BABAM2: variants seen among roughly 807,000 people sequenced by gnomAD.
BABAM2 encodes BRISC and BRCA1-A complex member 2.
Under a neutral mutation model 54.7 loss-of-function variants are expected in BABAM2, and 31 were observed. That is an observed-to-expected ratio of 0.57 (90% CI 0.43 to 0.77). The LOEUF (loss-of-function observed/expected upper bound fraction) is 0.77, where lower values mean the gene tolerates loss of function less well. BABAM2 is among the 30% of genes least tolerant of loss of function. The pLI is 0.00. For synonymous variants in BABAM2, 167 were observed against 162.9 expected (o/e 1.03, Z -0.19); for missense variants, 364 against 455.8 (o/e 0.80, Z 1.83).
At chr2:27,951,720 C>A (rs1006298756) in intron 3 of BABAM2, among the ~76,000 whole-genome samples, 1 of 151,418 alleles carries the variant, frequency 6.6e-6, no homozygotes, top group Non-Finnish European at 1.5e-5. Flanking sequence ...TTTATTTTTC[C>A]GTAGGTTATT....
intron 6 of BABAM2, among the ~76,000 whole-genome samples, chr2:28,070,847 C>A (rs1664072107): frequency 6.6e-6 from 1 of 152,012 alleles, no homozygotes; most frequent in South Asian, 2.1e-4. Flanking sequence ...AGTAAAGTTA[C>A]ACTCAAGATT....
chr2:27,911,217 G>A (rs1049643024), intron 2 of BABAM2, among the ~76,000 whole-genome samples: 3 of 152,178 alleles, frequency 2.0e-5, no homozygotes, highest in African/African-American at 7.2e-5. Flanking sequence ...TGTGGGAACA[G>A]ACTAATACAC....
chr2:28,175,506 G>A (rs778502168), intron 7 of BABAM2, among the ~76,000 whole-genome samples: 11 of 152,202 alleles, frequency 7.2e-5, no homozygotes, highest in Non-Finnish European at 1.5e-4. Flanking sequence ...ACTCCTGCCA[G>A]GGACCTGAAG....
At chr2:28,337,221 C>T (rs373306175) in intron 11 of BABAM2, among the ~76,000 whole-genome samples, 1 of 152,120 alleles carries the variant, frequency 6.6e-6, no homozygotes, top group South Asian at 2.1e-4. Context: ...GTGCCCACCT[C>T]CTTCCTCTGC....
chr2:28,225,665 G>A (rs190969455), intron 7 of BABAM2, among the ~76,000 whole-genome samples: 2 of 151,820 alleles, frequency 1.3e-5, no homozygotes, highest in African/African-American at 2.4e-5. Context: ...ACCAGAATAT[G>A]CCTCAAGCTT....
In BABAM2 at chr2:28,329,191, C is replaced by T. The variant is rs575079009; in HGVS notation, c.1089-9259C>T. Among the ~76,000 whole-genome samples the T allele has an allele frequency of 6.6e-6, 1 of 152,340 alleles. No individual in the cohort carries two copies. The highest frequency in any genetic ancestry group is 2.1e-4 in the South Asian group (1 of 4,828). On this transcript the variant is annotated intron_variant, in intron 11 of 11. Coordinates refer to ENST00000379624, the MANE Select transcript of BABAM2 (RefSeq NM_199191.3). This position sits in a 1 kb window ranked among gnomAD's most constrained non-coding sequence, Gnocchi z 4.2. ...GCATTACCCCTGATAACTTATGCTT[C>T]CTGAGCTAGAGGGCAGAGGGGTGGC...
intron 6 of BABAM2, among the ~76,000 whole-genome samples, chr2:28,090,066 C>T (rs968502670): frequency 5.9e-5 from 9 of 152,040 alleles, no homozygotes; most frequent in South Asian, 2.1e-4. Context: ...TTTCCATTTC[C>T]GTGTTCAGAT....
At position 27,942,452 on chromosome 2, in the gene BABAM2, C is replaced by A. The variant is rs572584481; in HGVS notation, c.205+12544C>A. Among the ~76,000 whole-genome samples the A allele has an allele frequency of 3.0e-3, 454 of 152,124 alleles. 11 individuals carry two copies. In the South Asian group the frequency reaches 0.048, roughly 16 times the overall value. On this transcript the variant is annotated intron_variant, in intron 3 of 11. Transcript: ENST00000379624. Reference sequence around the variant, plus strand: ...CACAACTCACAGCAACCTCTGCCTCCCTGGCTCAAGCAATCCCTCCACCTC... The same window carrying A: ...CACAACTCACAGCAACCTCTGCCTCACTGGCTCAAGCAATCCCTCCACCTC...
intron 7 of BABAM2, among the ~76,000 whole-genome samples, chr2:28,186,763 G>T (rs1243802628): frequency 6.6e-6 from 1 of 152,070 alleles, no homozygotes; most frequent in African/African-American, 2.4e-5. Flanking sequence ...TATCCTGTTA[G>T]CCTGTACTAT....
chr2:28,293,767 C>G (rs1022332136), intron 10 of BABAM2, among the ~76,000 whole-genome samples: 2 of 152,002 alleles, frequency 1.3e-5, no homozygotes, highest in African/African-American at 4.8e-5. Context: ...CCTGTAATAC[C>G]AACACTTTGG....
Position 28,259,106 on chromosome 2 carries a change from T to TTTTTC in BABAM2, c.934+14244_934+14245insTTTTC, listed in dbSNP as rs1553352395. ...TTTTTTTTTTTTTTTTTTTTTTTTTTCAGACTGAGTCTTGCTCTGTTGCCA... is the reference window on the plus strand; with the variant it reads ...TTTTTTTTTTTTTTTTTTTTTTTTTTTTTTCCAGACTGAGTCTTGCTCTGTTGCCA... On this transcript the variant is annotated intron_variant, in intron 10 of 11. Transcript: ENST00000379624. Among the ~76,000 whole-genome samples, 31 of 109,678 alleles carry TTTTTC rather than the reference T, an allele frequency of 2.8e-4. 1 individual carries two copies. Among genetic ancestry groups the TTTTTC allele is most frequent in the Non-Finnish European group, 4.2e-4 (22 of 52,744 alleles). The allele number at this position is 109,678 out of a possible 152,430, so 72.0% of individuals were successfully genotyped here.
intron 10 of BABAM2, among the ~76,000 whole-genome samples, chr2:28,264,730 A>G (rs1268608255): frequency 6.6e-6 from 1 of 152,136 alleles, no homozygotes; most frequent in Non-Finnish European, 1.5e-5. Context: ...ACTTCAAAAG[A>G]CCCATTTTTC....
At chr2:28,290,453 AC>A (rs1687195447) in intron 10 of BABAM2, among the ~76,000 whole-genome samples, 1 of 152,196 alleles carries the variant, frequency 6.6e-6, no homozygotes, top group African/African-American at 2.4e-5. Context: ...CCACAGCCTG[AC>A]AACACTTGGG....
chr2:28,274,312 T>G (rs1398153884), intron 10 of BABAM2, among the ~76,000 whole-genome samples: 2 of 152,242 alleles, frequency 1.3e-5, no homozygotes, highest in African/African-American at 4.8e-5. Flanking sequence ...TAACACTTGA[T>G]CCAAATAACG....
At chr2:28,338,064 A>G (rs1323865106) in intron 11 of BABAM2, among the ~76,000 whole-genome samples, 1 of 152,184 alleles carries the variant, frequency 6.6e-6, no homozygotes, top group African/African-American at 2.4e-5. Flanking sequence ...TGAGTGGAAA[A>G]TGCAACCTTC....
intron 3 of BABAM2, among the ~76,000 whole-genome samples, chr2:27,937,699 C>T (rs1024616296): frequency 2.0e-5 from 3 of 151,944 alleles, no homozygotes; most frequent in African/African-American, 7.2e-5. Context: ...TTTATATATT[C>T]CACATATTAA....
At chr2:28,127,964 G>A (rs1426304709) in intron 6 of BABAM2, among the ~76,000 whole-genome samples, 1 of 151,884 alleles carries the variant, frequency 6.6e-6, no homozygotes, top group East Asian at 1.9e-4. Context: ...CCACCACCAC[G>A]CCCGGCTAAT....
chr2:28,033,772 T>A (rs1676464747), intron 5 of BABAM2, among the ~76,000 whole-genome samples: 1 of 150,674 alleles, frequency 6.6e-6, no homozygotes, highest in Admixed American at 6.7e-5. Flanking sequence ...TAAAGTTGGC[T>A]TATCATACCT....
intron 3 of BABAM2, among the ~76,000 whole-genome samples, chr2:27,966,891 A>C (rs937545757): frequency 1.3e-5 from 2 of 152,174 alleles, no homozygotes; most frequent in Admixed American, 6.5e-5. Flanking sequence ...TACTAGTTGT[A>C]GGATAGAAAT....
Sources: gnomAD v4.1 joint callset for allele counts (sites outside exome capture counted in the v4.1 genomes callset) on GRCh38, gnomAD v4.1.1 for gene constraint, Gnocchi (gnomAD v3.1) non-coding constraint, MANE v1.5 for transcripts, NCBI Gene and HGNC (gene_info 2026-07-23, HGNC 2026-07-21) for gene names.